NBPF20: variants seen among roughly 807,000 people sequenced by gnomAD.
NBPF20 encodes the protein NBPF member 20.
In NBPF20, 90 loss-of-function variants were observed where a neutral mutation model predicts 68.1. The observed-to-expected ratio is 1.32, with a 90% CI of 1.11 to 1.58. The LOEUF is 1.58. NBPF20 is among the 40% of genes most tolerant of loss of function. NBPF20 has a pLI of 0.00. For synonymous variants in NBPF20, 290 were observed against 228.1 expected (o/e 1.27, Z -2.45); for missense variants, 816 against 601.2 (o/e 1.36, Z -3.74).
intron 73 of NBPF20, among the ~76,000 whole-genome samples, 199 bp from the exon 79 acceptor site, chr1:145,342,758 C>A (rs1235534803): frequency 1.0e-4 from 12 of 116,010 alleles, no homozygotes; most frequent in Non-Finnish European, 1.6e-4. Flanking sequence ...GACAGATAGA[C>A]ACACACACAC....
At chr1:145,407,309 G>A (rs1424729168), upstream of NBPF20, among the ~76,000 whole-genome samples, 92 of 145,000 alleles carry the variant, frequency 6.3e-4, no homozygotes, top group Non-Finnish European at 1.2e-3. Context: ...GATAGCATTA[G>A]GAGAAATACC....
At chr1:145,410,738 G>GTATATATATATACA in the NBPF20 span, among the ~76,000 whole-genome samples, 1 of 134,686 alleles carries the variant, frequency 7.4e-6, no homozygotes, top group East Asian at 2.2e-4. Context: ...GCCTGTCTGT[G>GTATATATATATACA]TATATATATA....
chr1:145,393,821 C>A (rs1662068562), intron 9 of NBPF20, 63 bp downstream of exon 14: 1 of 1,248,000 alleles, frequency 8.0e-7, no homozygotes, highest in Non-Finnish European at 1.2e-6. Context: ...GTACTGTTTT[C>A]CCTGGACTTG....
rs1194377253 is a variant in NBPF20, at chr1:145,296,095, T to A, written c.16138+243A>T. 2.2e-5 allele frequency: 3 copies of A among 136,574 alleles called. 1 individual carries two copies. The highest frequency in any genetic ancestry group is 3.6e-5 in the Non-Finnish European group (3 of 83,896). 8.5% of individuals were successfully genotyped at this position (136,574 alleles called of 1,614,324 possible). ...TTGTCACATCTGCCCAGGTCCAACA[T>A]CATGAGAGTAGGATTAGGGCGCCAC... On this transcript the variant is annotated intron_variant, in intron 132 of 137. Transcript: ENST00000369373.
chr1:145,291,415 T>A lies in NBPF20; in HGVS notation c.*111A>T, dbSNP rs1470193543. 31 of 1,606,152 alleles carry A rather than the reference T, an allele frequency of 1.9e-5. No homozygotes were observed. In the South Asian group the frequency reaches 3.1e-4, roughly 16 times the overall value. On this transcript the variant is annotated 3_prime_UTR_variant, in exon 138 of 138. Transcript: ENST00000369373. ...AGAATAGGAATACAGCCATGCCCAC[T>A]GACCCATCCTATGTCTGGGCTTCCA...
intron 13 of NBPF20, among the ~76,000 whole-genome samples, 187 bp from the exon 19 acceptor site, chr1:145,390,303 AAGAC>A (rs1661938170): frequency 1.7e-5 from 1 of 58,576 alleles, no homozygotes. Context: ...ATGAAAGAGA[AAGAC>A]AGATAGACAC....
chr1:145,291,714 C>G (rs1243615397), exon 138 of NBPF20: 17 of 1,611,916 alleles, frequency 1.1e-5, no homozygotes, highest in Admixed American at 1.7e-5. Context: ...TAACATCCAT[C>G]CAGTGAGTCC....
At chr1:145,402,488 A>T (rs1662569807) in intron 3 of NBPF20, 107 bp from the exon 9 acceptor site, 1 of 1,183,630 alleles carries the variant, frequency 8.4e-7, no homozygotes, top group African/African-American at 1.5e-5. Context: ...ACCTCGAAGC[A>T]GAAGGTCAGC....
intron 6 of NBPF20, among the ~76,000 whole-genome samples, chr1:145,399,876 T>A (rs1662432046): frequency 2.7e-5 from 4 of 149,378 alleles, no homozygotes; most frequent in Non-Finnish European, 5.9e-5. Context: ...CCTTGCTTTA[T>A]GGAAATATAT....
chr1:145,400,685 T>G (rs1167435042), intron 5 of NBPF20, 91 bp from the exon 11 acceptor site: 5 of 1,514,926 alleles, frequency 3.3e-6, no homozygotes, highest in South Asian at 1.1e-5. Context: ...CAGGCGGCAT[T>G]AAGAGAGTGG....
chr1:145,400,121 G>C (rs1202381090), intron 6 of NBPF20, among the ~76,000 whole-genome samples: 1 of 152,210 alleles, frequency 6.6e-6, no homozygotes, highest in African/African-American at 2.4e-5. Flanking sequence ...ATCGAAGCTA[G>C]TAGGCCTGAC....
At chr1:145,398,723 G>T (rs1178624085) in intron 7 of NBPF20, among the ~76,000 whole-genome samples, 1 of 151,666 alleles carries the variant, frequency 6.6e-6, no homozygotes, top group East Asian at 1.9e-4. Flanking sequence ...AAGTAACTAA[G>T]ATCAGAGCAG....
the NBPF20 span, among the ~76,000 whole-genome samples, chr1:145,425,436 T>A: frequency 1.3e-5 from 2 of 152,164 alleles, no homozygotes; most frequent in African/African-American, 4.8e-5. Context: ...GGCCCGCTCC[T>A]GGCGCCACAG....
chr1:145,392,625 TCCAATCGA>T (rs1661963710), intron 10 of NBPF20, among the ~76,000 whole-genome samples: 1 of 20,026 alleles, frequency 5.0e-5, no homozygotes. Context: ...GCCATATTTT[TCCAATCGA>T]TTTAAAGCAA....
chr1:145,411,074 A>T, the NBPF20 span, among the ~76,000 whole-genome samples: 1 of 146,836 alleles, frequency 6.8e-6, no homozygotes, highest in Non-Finnish European at 1.5e-5. Context: ...TTCTGGAAAT[A>T]GGTAGTGAAT....
exon 138 of NBPF20, chr1:145,290,282 T>C (rs1335458400): frequency 2.0e-5 from 3 of 149,128 alleles, no homozygotes; most frequent in African/African-American, 7.8e-5. Flanking sequence ...TTCTTCATTA[T>C]AAGTAAGGTG....
At chr1:145,417,393 C>A in the NBPF20 span, among the ~76,000 whole-genome samples, 1 of 142,564 alleles carries the variant, frequency 7.0e-6, no homozygotes, top group Non-Finnish European at 1.5e-5. Context: ...CTGAGGGATC[C>A]TGGGTTCAAT....
intron 2 of NBPF20, among the ~76,000 whole-genome samples, chr1:145,403,877 C>T (rs1185346164): frequency 6.6e-6 from 1 of 151,510 alleles, no homozygotes; most frequent in Admixed American, 6.6e-5. Flanking sequence ...GAAATATGCC[C>T]AAATGTTAAT....
intron 129 of NBPF20, among the ~76,000 whole-genome samples, chr1:145,298,441 T>A (rs1661348784): frequency 1.6e-5 from 2 of 128,664 alleles, no homozygotes; most frequent in South Asian, 2.7e-4. Context: ...GATGAGGGAG[T>A]AACAGGACAC....
Sources: gnomAD v4.1 joint callset for allele counts (sites outside exome capture counted in the v4.1 genomes callset) on GRCh38, gnomAD v4.1.1 for gene constraint, MANE v1.5 for transcripts, NCBI Gene and HGNC (gene_info 2026-07-23, HGNC 2026-07-21) for gene names.